The following PTPRO variants were observed in gnomAD, a reference collection of about 807,000 sequenced individuals.
PTPRO encodes the protein protein tyrosine phosphatase receptor type O.
Under a neutral mutation model 145.2 loss-of-function variants are expected in PTPRO, and 62 were observed. The ratio of observed to expected loss-of-function variants is 0.43; its 90% CI spans 0.35 to 0.53. PTPRO has a LOEUF of 0.53. Ranked by LOEUF, PTPRO falls within the 20% of genes least tolerant of loss-of-function variation. PTPRO has a pLI of 0.01. For missense variants in PTPRO, 1,345 were observed against 1,482.7 expected, an observed-to-expected ratio of 0.91 and a Z score of 1.53; for synonymous variants, 565 against 514.7, an observed-to-expected ratio of 1.10 and a Z score of -1.32.
At chr12:15,556,273 C>T (rs2135574408) in intron 15 of PTPRO, among the ~76,000 whole-genome samples, 1 of 152,038 alleles carries the variant, frequency 6.6e-6, no homozygotes, top group East Asian at 1.9e-4. Context: ...GTGTATTTTT[C>T]AAAAGAAGAA....
chr12:15,375,038 GT>G (rs772433323), intron 1 of PTPRO, among the ~76,000 whole-genome samples: 3 of 152,178 alleles, frequency 2.0e-5, no homozygotes, highest in Non-Finnish European at 2.9e-5. Context: ...TGACTTACTG[GT>G]TCACAGTATT....
intron 1 of PTPRO, among the ~76,000 whole-genome samples, chr12:15,331,435 A>G (rs1490668939): frequency 6.6e-6 from 1 of 152,216 alleles, no homozygotes; most frequent in African/African-American, 2.4e-5. Context: ...ATTCTCCACT[A>G]TGCTATTTAC....
At chr12:15,328,663 A>G (rs1261130934) in intron 1 of PTPRO, among the ~76,000 whole-genome samples, 1 of 152,192 alleles carries the variant, frequency 6.6e-6, no homozygotes, top group Non-Finnish European at 1.5e-5. Context: ...ATATAGGGGA[A>G]ATTAGAGAAT....
chr12:15,374,152 G>C (rs1214172827), intron 1 of PTPRO, among the ~76,000 whole-genome samples: 4 of 152,178 alleles, frequency 2.6e-5, no homozygotes, highest in Middle Eastern at 3.4e-3. Flanking sequence ...AAAATTTCAA[G>C]GCAAGAGTAA....
intron 1 of PTPRO, among the ~76,000 whole-genome samples, chr12:15,360,750 G>A (rs1046007126): frequency 4.1e-5 from 6 of 144,878 alleles, no homozygotes; most frequent in African/African-American, 1.5e-4. Context: ...CACACTATGT[G>A]TGTGTATATG....
chr12:15,577,862 A>G (rs1944220828), intron 19 of PTPRO, among the ~76,000 whole-genome samples: 1 of 152,206 alleles, frequency 6.6e-6, no homozygotes, highest in Non-Finnish European at 1.5e-5. Context: ...CAAGAAATAC[A>G]GGTGGCCTGA....
intron 19 of PTPRO, among the ~76,000 whole-genome samples, chr12:15,575,099 T>G (rs1944151366): frequency 1.3e-5 from 2 of 152,214 alleles, no homozygotes; most frequent in South Asian, 4.1e-4. Context: ...GGACTTTTCC[T>G]TAGTTCAGCT....
At chr12:15,334,739 CACAT>C (rs1191265451) in intron 1 of PTPRO, among the ~76,000 whole-genome samples, 3 of 152,100 alleles carry the variant, frequency 2.0e-5, no homozygotes, top group Non-Finnish European at 4.4e-5. Context: ...TTTACACTCT[CACAT>C]ACATGACTGA....
Position 15,484,174 on chromosome 12 carries a change from T to C in PTPRO, c.276T>C (p.Tyr92=). Residue 92 remains tyrosine (Y), a synonymous_variant, in exon 2 of 27, where the codon TAT becomes TAC. Coordinates refer to ENST00000281171, the MANE Select transcript of PTPRO (RefSeq NM_030667.3). ...TCAAGGCCAGTTATCATGGCCTTTA[T>C]TATATAATCACTCTGGTAGTGGTAA... ...VIFKASYHGL[Y]YIITLVVVNG... is the part of the protein sequence containing the mutation. 1 of 1,613,636 alleles carries C rather than the reference T, an allele frequency of 6.2e-7. No homozygotes were observed. The highest frequency in any genetic ancestry group is 8.5e-7 in the Non-Finnish European group (1 of 1,179,692).
rs563184833 is a variant in PTPRO at position 15,362,256 on chromosome 12, A to T, written c.75+39455A>T. 1.1e-4 allele frequency among the ~76,000 whole-genome samples: 16 copies of T among 152,344 alleles called. No individual in the cohort carries two copies. In the South Asian group the frequency reaches 3.1e-3, roughly 30 times the overall value. ...TTCACCAGGAACTATAAAAGCCACC[A>T]GCAACTACTGAGAAGGCAATGCAAT... On this transcript the variant is annotated intron_variant, in intron 1 of 26. Transcript: ENST00000281171.
chr12:15,445,426 A>G (rs556457169), intron 1 of PTPRO, among the ~76,000 whole-genome samples: 1 of 152,272 alleles, frequency 6.6e-6, no homozygotes. Flanking sequence ...TAAATAAAGT[A>G]CGTAGCCTTA....
chr12:15,503,974 C>G lies in PTPRO; in HGVS notation c.1172C>G (p.Pro391Arg). The stretch of plus-strand genomic sequence containing the variant: ...GAATTTGTTGCAGAACTGAAGGAAC[C>G]TGGGAAATATAAGTTATCTGTGACA... ...AHEFVAELKE[P>R]GKYKLSVTTF... Residue 391 changes from proline (P) to arginine (R), a missense_variant, in exon 6 of 27, where the codon CCT becomes CGT. By Grantham distance (103) the Pro-to-Arg change is moderately radical. Transcript: ENST00000281171. The G allele has an allele frequency of 6.2e-7, 1 of 1,603,354 alleles. No individual in the cohort carries two copies. The highest frequency in any genetic ancestry group is 8.5e-7 in the Non-Finnish European group (1 of 1,170,546).
At chr12:15,568,209 C>G (rs1162831701) in intron 18 of PTPRO, among the ~76,000 whole-genome samples, 1 of 151,868 alleles carries the variant, frequency 6.6e-6, no homozygotes, top group Non-Finnish European at 1.5e-5. Flanking sequence ...GCAGGTGGAT[C>G]ACTTGAGGTC....
At chr12:15,371,825 T>G (rs142415619) in intron 1 of PTPRO, among the ~76,000 whole-genome samples, 2,049 of 152,226 alleles carry the variant, frequency 0.013, 26 homozygotes, top group Middle Eastern at 0.027. Flanking sequence ...TCATGAAATC[T>G]GATGGTTTTA....
intron 1 of PTPRO, among the ~76,000 whole-genome samples, chr12:15,417,840 T>C (rs1436498423): frequency 6.6e-6 from 1 of 151,778 alleles, no homozygotes; most frequent in East Asian, 1.9e-4. Context: ...TCTTCCTTTA[T>C]GCATGCACTC....
intron 1 of PTPRO, among the ~76,000 whole-genome samples, chr12:15,451,441 A>G (rs1307929146): frequency 2.0e-5 from 3 of 152,160 alleles, no homozygotes; most frequent in African/African-American, 7.2e-5. Flanking sequence ...GGTCATTAAG[A>G]CAGAACGTCA....
rs557790884 is a variant in PTPRO at position 15,431,391 on chromosome 12, AT to A, written c.76-52581del. ...ACCTTTTGGAAAACTATACCATATA[AT>A]TATTTATCTTCCTTCAAAATATGAA... On this transcript the variant is annotated intron_variant, in intron 1 of 26. Transcript: ENST00000281171. Among the ~76,000 whole-genome samples, 12 of 152,310 alleles carry A rather than the reference AT, an allele frequency of 7.9e-5. No individual in the cohort carries two copies. The East Asian group carries it at 2.3e-3, about 29-fold the overall frequency.
At chr12:15,588,328 A>C (rs1944473158) in intron 24 of PTPRO, among the ~76,000 whole-genome samples, 1 of 152,214 alleles carries the variant, frequency 6.6e-6, no homozygotes, top group Non-Finnish European at 1.5e-5. Context: ...CAAACTTTCC[A>C]TATAAATTTG....
At chr12:15,464,986 G>A (rs757975268) in intron 1 of PTPRO, among the ~76,000 whole-genome samples, 18 of 152,122 alleles carry the variant, frequency 1.2e-4, no homozygotes, top group Non-Finnish European at 2.2e-4. Flanking sequence ...ACATATGGTA[G>A]CAAGCAATAA....
Sources: gnomAD v4.1 joint callset for allele counts (sites outside exome capture counted in the v4.1 genomes callset) on GRCh38, gnomAD v4.1.1 for gene constraint, MANE v1.5 for transcripts, NCBI Gene and HGNC (gene_info 2026-07-23, HGNC 2026-07-21) for gene names.